Variants in HAT1 observed in about 807,000 individuals in gnomAD.
HAT1 encodes histone acetyltransferase 1.
A neutral mutation model predicts 56.6 loss-of-function variants in HAT1; 20 were observed. The ratio of observed to expected loss-of-function variants is 0.35; its 90% CI spans 0.25 to 0.51. The LOEUF (loss-of-function observed/expected upper bound fraction) is 0.51. HAT1 is among the 20% of genes least tolerant of loss of function. HAT1 has a pLI of 0.95. For missense variants in HAT1, 408 were observed against 504.3 expected (o/e 0.81, Z 1.83); for synonymous variants, 146 against 165.5 (o/e 0.88, Z 0.91).
At chr2:171,930,486 A>G (rs1686714487) in intron 2 of HAT1, among the ~76,000 whole-genome samples, 1 of 152,148 alleles carries the variant, frequency 6.6e-6, no homozygotes, top group African/African-American at 2.4e-5. Flanking sequence ...TATACTTTAA[A>G]CATTTTCTCT....
intron 8 of HAT1, among the ~76,000 whole-genome samples, chr2:171,967,187 T>C (rs1056260682): frequency 1.3e-5 from 2 of 152,106 alleles, no homozygotes; most frequent in Non-Finnish European, 2.9e-5. Context: ...TGAATATATA[T>C]GGGGAAGTCT....
chr2:171,959,543 T>A (rs1687525396), intron 4 of HAT1, among the ~76,000 whole-genome samples: 1 of 152,254 alleles, frequency 6.6e-6, no homozygotes, highest in African/African-American at 2.4e-5. Context: ...TTTTATAATG[T>A]CTCTTTGTAG....
chr2:171,925,701 C>A lies in HAT1; in HGVS notation c.112+60C>A, dbSNP rs1463503238. The A allele has an allele frequency of 1.8e-5, 13 of 722,994 alleles. No individual in the cohort carries two copies. In the East Asian group the frequency reaches 3.4e-4, roughly 19 times the overall value. The allele number at this position is 722,994 out of a possible 1,614,324, so 44.8% of individuals were successfully genotyped here. A position where few individuals can be genotyped will look rare whatever the true frequency, so the allele number is the denominator to read the frequency against. On this transcript the variant is annotated intron_variant, in intron 2 of 10. Coordinates refer to ENST00000264108, the MANE Select transcript of HAT1 (RefSeq NM_003642.4). ...TACTGTGTGTGTATATATAATCTTT[C>A]ATTTTAAATTTGAAGTAAAATTTTA...
chr2:171,942,069 TAA>T (rs1687032653), intron 2 of HAT1, among the ~76,000 whole-genome samples: 1 of 152,104 alleles, frequency 6.6e-6, no homozygotes, highest in South Asian at 2.1e-4. Context: ...CACACCCAGC[TAA>T]GTTTTGTAAT....
At chr2:171,930,592 T>C (rs1686717146) in intron 2 of HAT1, among the ~76,000 whole-genome samples, 1 of 152,172 alleles carries the variant, frequency 6.6e-6, no homozygotes, top group African/African-American at 2.4e-5. Context: ...CCTTGCTAAA[T>C]TCACTTATTA....
intron 9 of HAT1, among the ~76,000 whole-genome samples, chr2:171,977,546 TATATATA>T (rs1558981288): frequency 1.3e-4 from 2 of 14,974 alleles, no homozygotes; most frequent in Admixed American, 1.2e-3. Flanking sequence ...TATATATATA[TATATATA>T]TATATTTTTT....
intron 2 of HAT1, among the ~76,000 whole-genome samples, chr2:171,929,760 G>A (rs1046266055): frequency 3.9e-5 from 6 of 152,138 alleles, no homozygotes; most frequent in Non-Finnish European, 8.8e-5. Context: ...GAACTTACAC[G>A]TGTGGATCTA....
chr2:171,977,548 T>TATATATAC, intron 9 of HAT1, among the ~76,000 whole-genome samples: 1 of 16,158 alleles, frequency 6.2e-5, no homozygotes, highest in Non-Finnish European at 1.1e-4. Flanking sequence ...TATATATATA[T>TATATATAC]ATATATATAT....
At chr2:171,943,471 C>CT (rs1402202571) in intron 2 of HAT1, among the ~76,000 whole-genome samples, 4 of 143,172 alleles carry the variant, frequency 2.8e-5, no homozygotes, top group Admixed American at 7.0e-5. Flanking sequence ...CATCACTCTG[C>CT]TTTTTCAAGT....
At chr2:171,965,117 CT>C (rs1362450136) in intron 4 of HAT1, 7 of 475,040 alleles carry the variant, frequency 1.5e-5, no homozygotes, top group African/African-American at 1.4e-4. Flanking sequence ...ATCAGGTCAC[CT>C]GCCTTCTCTT....
intron 9 of HAT1, among the ~76,000 whole-genome samples, chr2:171,977,544 TATATATATA>T (rs1177183327): frequency 1.9e-3 from 27 of 14,564 alleles, no homozygotes; most frequent in East Asian, 5.5e-3. Context: ...TATATATATA[TATATATATA>T]TATATTTTTT....
chr2:171,971,671 G>A (rs184633609), intron 8 of HAT1, among the ~76,000 whole-genome samples: 10 of 152,240 alleles, frequency 6.6e-5, no homozygotes, highest in Admixed American at 2.6e-4. Flanking sequence ...CTACCAAGCC[G>A]TCATGATTAG....
At chr2:171,950,406 CTG>C (rs954842417) in intron 3 of HAT1, among the ~76,000 whole-genome samples, 25 of 152,026 alleles carry the variant, frequency 1.6e-4, no homozygotes, top group Admixed American at 1.6e-3. Context: ...GTCCCGAACT[CTG>C]GAGCTTAGAC....
At chr2:171,929,391 G>A (rs1686681291) in intron 2 of HAT1, among the ~76,000 whole-genome samples, 1 of 151,966 alleles carries the variant, frequency 6.6e-6, no homozygotes, top group Non-Finnish European at 1.5e-5. Flanking sequence ...TACATGTTTT[G>A]TGCACATTTT....
At position 171,925,548 on chromosome 2, in the gene HAT1, A is replaced by G. The variant is rs1325408283; in HGVS notation, c.19A>G (p.Met7Val). The change falls in exon 2 of 11, where the codon ATG (methionine) becomes GTG (valine). Residue 7 changes from methionine to valine, a missense_variant. Physicochemically the swap from Met to Val is conservative, Grantham distance 21. Transcript: ENST00000264108. Reference protein sequence around the residue: MAGFGAMEKFLVEYKSA... With the variant: MAGFGAVEKFLVEYKSA... ...ACCTTTTCTCTTAGGATTTGGTGCT[A>G]TGGAGAAATTTTTGGTAGAATATAA... 3 of 1,494,404 alleles carry G rather than the reference A, an allele frequency of 2.0e-6. No homozygotes were observed. The highest frequency in any genetic ancestry group is 1.4e-5 in the African/African-American group (1 of 72,592). 92.6% of individuals were successfully genotyped at this position (1,494,404 alleles called of 1,614,324 possible). A position where few individuals can be genotyped will look rare whatever the true frequency, so the allele number is the denominator to read the frequency against.
At position 171,966,497 on chromosome 2, in the gene HAT1, A is replaced by T; in HGVS notation, c.700A>T (p.Thr234Ser). The change falls in exon 7 of 11, where the codon ACC (threonine) becomes TCC (serine). Residue 234 changes from threonine to serine, a missense_variant. Coordinates refer to ENST00000264108, the MANE Select transcript of HAT1 (RefSeq NM_003642.4). ...TAATTACTATGTGTACCCAGACAAA[A>T]CCCGGCCACGTGTAAGGTAATTGGC... Reference protein sequence around the residue: ...VYNYYVYPDKTRPRVSQMLIL... With the variant: ...VYNYYVYPDKSRPRVSQMLIL... The T allele has an allele frequency of 6.4e-7, 1 of 1,559,572 alleles. No homozygotes were observed. The highest frequency in any genetic ancestry group is 8.8e-7 in the Non-Finnish European group (1 of 1,130,320).
At chr2:171,950,178 T>C (rs1390280025) in intron 3 of HAT1, among the ~76,000 whole-genome samples, 1 of 152,178 alleles carries the variant, frequency 6.6e-6, no homozygotes, top group Non-Finnish European at 1.5e-5. Context: ...TTTTGTTTGT[T>C]TGTTTTTTGA....
chr2:171,928,485 G>A (rs1399607510), intron 2 of HAT1, among the ~76,000 whole-genome samples: 1 of 152,114 alleles, frequency 6.6e-6, no homozygotes, highest in African/African-American at 2.4e-5. Flanking sequence ...TATGTTGTCT[G>A]TACCAGTAGT....
intron 8 of HAT1, among the ~76,000 whole-genome samples, chr2:171,975,093 A>G (rs1359162685): frequency 8.1e-6 from 1 of 123,080 alleles, no homozygotes; most frequent in Non-Finnish European, 1.8e-5. Context: ...TGTTTCCTCT[A>G]TTTTCTTTCT....
Sources: gnomAD v4.1 joint callset for allele counts (sites outside exome capture counted in the v4.1 genomes callset) on GRCh38, gnomAD v4.1.1 for gene constraint, MANE v1.5 for transcripts, NCBI Gene and HGNC (gene_info 2026-07-23, HGNC 2026-07-21) for gene names.